The following RFX1 variants were observed in gnomAD, a reference collection of about 807,000 sequenced individuals.
The protein encoded by RFX1 is regulatory factor X1, also known as MHC class II regulatory factor RFX1.
Under a neutral mutation model 119.6 loss-of-function variants are expected in RFX1, and 42 were observed. That is an observed-to-expected ratio of 0.35 (90% CI 0.27 to 0.45). The LOEUF (loss-of-function observed/expected upper bound fraction) is 0.45, where lower values mean the gene tolerates loss of function less well. RFX1 is among the 20% of genes least tolerant of loss of function. The pLI, the probability that RFX1 is intolerant of heterozygous loss-of-function variation, is 1.00. For synonymous variants in RFX1, 628 were observed against 618.5 expected (o/e 1.02, Z -0.23); for missense variants, 1,118 against 1,368.1 (o/e 0.82, Z 2.88).
intron 16 of RFX1, among the ~76,000 whole-genome samples, chr19:13,964,620 C>T (rs964160330): frequency 2.6e-5 from 4 of 152,062 alleles, no homozygotes; most frequent in African/African-American, 4.8e-5. Flanking sequence ...TAGCTGGGAT[C>T]ATAGGTGCAC....
rs747573451 is a variant in RFX1, at chr19:13,982,108, GACC to G, written c.621+10_621+12del. ...CAGCAGGGGGGAGGGCGGCCAACAGGACCACCACTTACCTCTGGGGGCGAGTGC... is the reference window on the plus strand; with the variant it reads ...CAGCAGGGGGGAGGGCGGCCAACAGGACCACTTACCTCTGGGGGCGAGTGC... On this transcript the variant is annotated intron_variant, in intron 5 of 20. Transcript: ENST00000254325. The G allele has an allele frequency of 1.6e-6, 2 of 1,287,704 alleles. No homozygotes were observed. The highest frequency in any genetic ancestry group is 2.0e-6 in the Non-Finnish European group (2 of 999,728). 79.8% of individuals were successfully genotyped at this position (1,287,704 alleles called of 1,614,324 possible).
chr19:14,000,212 G>A (rs781653432), intron 1 of RFX1, among the ~76,000 whole-genome samples: 4 of 152,154 alleles, frequency 2.6e-5, no homozygotes, highest in Non-Finnish European at 4.4e-5. Flanking sequence ...GAGGCCGGGC[G>A]TGGTGGCTTA....
At chr19:13,978,670 C>T (rs984513160) in intron 7 of RFX1, among the ~76,000 whole-genome samples, 3 of 152,052 alleles carry the variant, frequency 2.0e-5, no homozygotes, top group Non-Finnish European at 4.4e-5. Flanking sequence ...ACAGGGCTTG[C>T]GGGGCCTGGT....
At chr19:14,003,953 C>T (rs1975294267) in intron 1 of RFX1, among the ~76,000 whole-genome samples, 2 of 152,048 alleles carry the variant, frequency 1.3e-5, no homozygotes, top group African/African-American at 4.8e-5. Flanking sequence ...GTTGCCCAGG[C>T]TGGAGTGCAG....
chr19:13,979,900 G>T (rs1974374351), intron 6 of RFX1, among the ~76,000 whole-genome samples: 1 of 152,162 alleles, frequency 6.6e-6, no homozygotes, highest in Non-Finnish European at 1.5e-5. Flanking sequence ...GGCATGCGGG[G>T]ATTATCCTAG....
intron 1 of RFX1, among the ~76,000 whole-genome samples, chr19:13,994,467 G>A (rs1054488076): frequency 1.3e-5 from 2 of 152,068 alleles, no homozygotes; most frequent in Non-Finnish European, 2.9e-5. Context: ...TGCAATTCCA[G>A]CACTTTGGGA....
At chr19:13,976,563 G>A (rs1451381280) in intron 8 of RFX1, among the ~76,000 whole-genome samples, 1 of 152,246 alleles carries the variant, frequency 6.6e-6, no homozygotes, top group Non-Finnish European at 1.5e-5. Flanking sequence ...GGTGGGGACT[G>A]ATGACATCGT....
intron 2 of RFX1, among the ~76,000 whole-genome samples, chr19:13,988,035 TTTTTTTTTTGAGACAGAG>T (rs1293760475): frequency 6.7e-6 from 1 of 149,188 alleles, no homozygotes; most frequent in African/African-American, 2.4e-5. Flanking sequence ...TTTTTTTTTT[TTTTTTTTTTGAGACAGAG>T]TCTTGCTCTG....
chr19:14,005,910 C>A (rs993364881), intron 1 of RFX1, among the ~76,000 whole-genome samples, 193 bp downstream of exon 1: 1 of 151,302 alleles, frequency 6.6e-6, no homozygotes, highest in Non-Finnish European at 1.5e-5. Flanking sequence ...TCGCGGGGGC[C>A]GGGCCGCGGG....
At chr19:13,982,027 G>A in intron 5 of RFX1, 94 bp downstream of exon 5, 1 of 488,688 alleles carries the variant, frequency 2.0e-6, no homozygotes, top group Non-Finnish European at 3.4e-6. Flanking sequence ...TGGGCTTGGG[G>A]GGCGGGGCAG....
chr19:13,982,329 G>C (rs891848555), intron 4 of RFX1, 101 bp from the exon 5 acceptor site: 1 of 551,116 alleles, frequency 1.8e-6, no homozygotes, highest in East Asian at 3.5e-5. Flanking sequence ...AGTGCTTCAC[G>C]CCTGTTAGCT....
At chr19:13,964,039 C>A (rs893095027) in intron 16 of RFX1, 32 bp from the exon 17 acceptor site, 11 of 1,522,304 alleles carry the variant, frequency 7.2e-6, no homozygotes, top group Non-Finnish European at 8.8e-7. Context: ...CTTGCTGCTT[C>A]CAAGGAACCC....
At position 13,996,816 on chromosome 19, in the gene RFX1, C is replaced by T. The variant is rs147820754; in HGVS notation, c.-52-2921G>A. Among the ~76,000 whole-genome samples the T allele has an allele frequency of 9.6e-4, 145 of 151,094 alleles. No homozygotes were observed. The East Asian group carries it at 0.025, about 26-fold the overall frequency. On this transcript the variant is annotated intron_variant, in intron 1 of 20. Transcript: ENST00000254325. ...TGGCTCACTGCAACCTCTGCCCCCA[C>T]GGGTTCAAGTGATTCTCCTGCCTCA...
chr19:13,988,899 G>A (rs892643569), intron 2 of RFX1, among the ~76,000 whole-genome samples: 10 of 152,104 alleles, frequency 6.6e-5, no homozygotes, highest in African/African-American at 1.7e-4. Flanking sequence ...GTGCGCCCCT[G>A]TAATCCCAGC....
chr19:13,983,212 A>G lies in RFX1; in HGVS notation c.488T>C (p.Leu163Pro). The G allele has an allele frequency of 6.3e-7, 1 of 1,579,330 alleles. No individual in the cohort carries two copies. The highest frequency in any genetic ancestry group is 1.2e-5 in the South Asian group (1 of 86,660). Residue 163 changes from leucine (L) to proline (P), a missense_variant, in exon 4 of 21, where the codon CTG becomes CCG. Coordinates refer to ENST00000254325, the MANE Select transcript of RFX1 (RefSeq NM_002918.5). ...AKPGHVSPLQLTNIQVPQQAL... is the reference protein window; with the variant it reads ...AKPGHVSPLQPTNIQVPQQAL... ...CTGCTGGGGCACTTGGATGTTGGTC[A>G]GCTGGAGGGGCGACACGTGGCCTGG...
At chr19:13,993,199 G>A (rs1974863341) in intron 2 of RFX1, among the ~76,000 whole-genome samples, 3 of 152,166 alleles carry the variant, frequency 2.0e-5, no homozygotes, top group Admixed American at 6.6e-5. Context: ...GGAGGCTGAG[G>A]TGGAAGGATT....
rs200783961 is a variant in RFX1, at chr19:13,965,714, G to C, written c.2025C>G (p.Pro675=). Residue 675 remains proline (P), a synonymous_variant, in exon 15 of 21, where the codon CCC becomes CCG. Transcript: ENST00000254325. The surrounding 1 kb of genome is among the most constrained non-coding windows in gnomAD (Gnocchi z 4.7). ...AILVLLSKFE[P]VLQWTKHCDN... ...CACAGTGCTTGGTCCATTGGAGCACGGGCTCGAACTTGGAGAGGAGCACCA... is the reference window on the plus strand; with the variant it reads ...CACAGTGCTTGGTCCATTGGAGCACCGGCTCGAACTTGGAGAGGAGCACCA... 1.9e-6 allele frequency: 3 copies of C among 1,613,788 alleles called. No individual in the cohort carries two copies. Among genetic ancestry groups the C allele is most frequent in the South Asian group, 2.2e-5 (2 of 91,092 alleles).
At chr19:13,993,272 G>A (rs112085946) in intron 2 of RFX1, among the ~76,000 whole-genome samples, 249 of 152,256 alleles carry the variant, frequency 1.6e-3, no homozygotes, top group African/African-American at 5.6e-3. Flanking sequence ...TCCAGCCTGG[G>A]CAACAGAATG....
chr19:13,997,871 C>T (rs186434623), intron 1 of RFX1, among the ~76,000 whole-genome samples: 15 of 152,268 alleles, frequency 9.9e-5, no homozygotes, highest in Admixed American at 7.8e-4. Context: ...ACTTGCCCAC[C>T]GTGAGAGGGA....
Sources: gnomAD v4.1 joint callset for allele counts (sites outside exome capture counted in the v4.1 genomes callset) on GRCh38, gnomAD v4.1.1 for gene constraint, Gnocchi (gnomAD v3.1) non-coding constraint, MANE v1.5 for transcripts, NCBI Gene and HGNC (gene_info 2026-07-23, HGNC 2026-07-21) for gene names.